The following ANKRD17 variants were observed in gnomAD, a reference collection of about 807,000 sequenced individuals.
ANKRD17 encodes ankyrin repeat domain 17, also known as ankyrin repeat domain-containing protein 17.
ANKRD17 carries 19 observed loss-of-function variants against 229.7 expected under a neutral mutation model. That is an observed-to-expected ratio of 0.08 (90% CI 0.06 to 0.12). The LOEUF (loss-of-function observed/expected upper bound fraction) is 0.12. Ranked by LOEUF, ANKRD17 falls within the 10% of genes least tolerant of loss-of-function variation. The probability of loss-of-function intolerance (pLI) is 1.00; values close to 1 mark genes in which losing one functional copy is unlikely to be tolerated. For synonymous variants in ANKRD17, 1,112 were observed against 1,146.1 expected, an observed-to-expected ratio of 0.97 and a Z score of 0.60; for missense variants, 2,176 against 3,176.8, an observed-to-expected ratio of 0.68 and a Z score of 7.57.
chr4:73,168,963 T>C (rs539949758), intron 2 of ANKRD17: 12 of 152,168 alleles, frequency 7.9e-5, no homozygotes, highest in African/African-American at 1.9e-4. Context: ...CTGGTGCCTA[T>C]TGTTCCCTTC....
At chr4:73,220,123 T>C (rs546954123) in intron 1 of ANKRD17, among the ~76,000 whole-genome samples, 98 of 152,270 alleles carry the variant, frequency 6.4e-4, no homozygotes, top group African/African-American at 2.1e-3. Context: ...TATTGATCAT[T>C]CTAAGTAGTA....
intron 1 of ANKRD17, among the ~76,000 whole-genome samples, chr4:73,180,393 A>G (rs1735394250): frequency 6.6e-6 from 1 of 152,192 alleles, no homozygotes; most frequent in Admixed American, 6.5e-5. Flanking sequence ...TCAAATTTCA[A>G]TCAGAAGCGA....
chr4:73,095,551 G>C (rs1191077056), intron 27 of ANKRD17, among the ~76,000 whole-genome samples: 1 of 145,558 alleles, frequency 6.9e-6, no homozygotes, highest in African/African-American at 2.6e-5. Flanking sequence ...GCAGCAAGCC[G>C]AGATCACGCC....
At chr4:73,095,691 TTTATTA>T (rs1279919022) in intron 27 of ANKRD17, among the ~76,000 whole-genome samples, 3 of 151,858 alleles carry the variant, frequency 2.0e-5, no homozygotes, top group African/African-American at 7.3e-5. Context: ...ATAGATTTCC[TTTATTA>T]TTATTTTTTT....
intron 1 of ANKRD17, among the ~76,000 whole-genome samples, chr4:73,199,681 T>C (rs1379688578): frequency 6.6e-6 from 1 of 152,210 alleles, no homozygotes; most frequent in Non-Finnish European, 1.5e-5. Flanking sequence ...CTAATGACTA[T>C]ATAAAACTGT....
intron 1 of ANKRD17, among the ~76,000 whole-genome samples, chr4:73,218,421 T>C (rs995475785): frequency 6.6e-6 from 1 of 152,076 alleles, no homozygotes; most frequent in South Asian, 2.1e-4. Context: ...GGCAGGCAGA[T>C]CACCTGAGAT....
intron 3 of ANKRD17, among the ~76,000 whole-genome samples, chr4:73,156,763 G>A (rs373448582): frequency 2.0e-5 from 3 of 152,008 alleles, no homozygotes; most frequent in African/African-American, 2.4e-5. Context: ...AGACCTCCTC[G>A]CTATGCTTCC....
Position 73,154,075 on chromosome 4 carries a change from C to T in ANKRD17, c.1039G>A (p.Val347Ile). ...TCCAAGAGCACCTTTACAACATCTA[C>T]ATAGCCTCCAGCACAAGCATATGTA... Reference protein sequence around the residue: ...ALTYACAGGYVDVVKVLLESG... With the variant: ...ALTYACAGGYIDVVKVLLESG... The change falls in exon 6 of 34, where the codon GTA becomes ATA. Residue 347 changes from valine to isoleucine, a missense_variant. Transcript: ENST00000358602. 1.2e-6 allele frequency: 2 copies of T among 1,610,112 alleles called. No individual in the cohort carries two copies. The highest frequency in any genetic ancestry group is 1.7e-6 in the Non-Finnish European group (2 of 1,178,422).
Position 73,078,721 on chromosome 4 carries a change from T to C in ANKRD17, c.7329A>G (p.Pro2443=). Residue 2443 remains proline (P), a synonymous_variant, in exon 31 of 34, where the codon CCA becomes CCG. Transcript: ENST00000358602. ...ARIRQTGTSA[P]SVIGSNLSTS... ...TAGACAAATTGCTCCCAATAACAGA[T>C]GGAGCTGACGTTCCAGTTTGCCTGA... The C allele has an allele frequency of 2.5e-6, 4 of 1,614,144 alleles. No individual in the cohort carries two copies. Among genetic ancestry groups the C allele is most frequent in the Non-Finnish European group, 2.5e-6 (3 of 1,180,012 alleles).
chr4:73,194,189 C>T (rs1487633514), intron 1 of ANKRD17, among the ~76,000 whole-genome samples: 1 of 152,020 alleles, frequency 6.6e-6, no homozygotes, highest in East Asian at 1.9e-4. Context: ...TCTATCTAAC[C>T]CAAAGTCACA....
chr4:73,255,674 T>G (rs182203772), intron 1 of ANKRD17, among the ~76,000 whole-genome samples: 29 of 152,310 alleles, frequency 1.9e-4, no homozygotes, highest in East Asian at 1.5e-3. Context: ...AGACAATCTG[T>G]ACTCCTTTTT....
intron 1 of ANKRD17, among the ~76,000 whole-genome samples, chr4:73,177,942 A>G (rs1311885882): frequency 2.6e-5 from 4 of 152,162 alleles, no homozygotes; most frequent in Non-Finnish European, 5.9e-5. Flanking sequence ...AGGACTTTAT[A>G]TAAACCCTGT....
chr4:73,215,446 G>T (rs1412707437), intron 1 of ANKRD17, among the ~76,000 whole-genome samples: 1 of 152,126 alleles, frequency 6.6e-6, no homozygotes, highest in African/African-American at 2.4e-5. Flanking sequence ...TTTTAGTAGA[G>T]ACAGGGTTTC....
At chr4:73,225,672 A>T (rs1204532062) in intron 1 of ANKRD17, among the ~76,000 whole-genome samples, 1 of 151,830 alleles carries the variant, frequency 6.6e-6, no homozygotes, top group Admixed American at 6.6e-5. Flanking sequence ...GAGTCTGACT[A>T]ACATGGTGAA....
At chr4:73,107,844 G>A (rs1208322372) in intron 24 of ANKRD17, among the ~76,000 whole-genome samples, 1 of 152,156 alleles carries the variant, frequency 6.6e-6, no homozygotes, top group Admixed American at 6.5e-5. Context: ...GTCGGGCTCT[G>A]AACAGAAGTG....
At chr4:73,193,404 G>A (rs901623207) in intron 1 of ANKRD17, among the ~76,000 whole-genome samples, 1 of 152,184 alleles carries the variant, frequency 6.6e-6, no homozygotes, top group African/African-American at 2.4e-5. Context: ...TATGAGAAGT[G>A]TATGTTTAAA....
chr4:73,091,361 G>A lies in ANKRD17; in HGVS notation c.6267C>T (p.Asn2089=), dbSNP rs758156172. Residue 2089 remains asparagine, a synonymous_variant, in exon 29 of 34, where the codon AAC becomes AAT. Coordinates refer to ENST00000358602, the MANE Select transcript of ANKRD17 (RefSeq NM_032217.5). ...AACTGCTGCTGTTTGGAGGTCTAGT[G>A]TTTGTTGTTTCTACTACTGGTGGAC... ...AGSPPVVETT[N]TRPPNSSSSS... The A allele has an allele frequency of 3.1e-6, 5 of 1,614,130 alleles. No individual in the cohort carries two copies. The Admixed American group carries it at 6.7e-5, about 22-fold the overall frequency.
At chr4:73,244,408 C>A (rs149258536) in intron 1 of ANKRD17, among the ~76,000 whole-genome samples, 1,829 of 152,160 alleles carry the variant, frequency 0.012, 38 homozygotes, top group African/African-American at 0.041. Flanking sequence ...TCTACATATG[C>A]ACTCTCCAAT....
chr4:73,158,621 T>C (rs1050404158), intron 3 of ANKRD17, among the ~76,000 whole-genome samples: 2 of 152,242 alleles, frequency 1.3e-5, no homozygotes, highest in South Asian at 4.1e-4. Flanking sequence ...AAAACTCATG[T>C]GAAATTTAAC....
Sources: allele counts gnomAD v4.1 joint callset (sites outside exome capture counted in the v4.1 genomes callset), GRCh38; gene constraint gnomAD v4.1.1; transcripts MANE v1.5; gene names NCBI Gene and HGNC (gene_info 2026-07-23, HGNC 2026-07-21).